Variants in CCSER1 observed in about 807,000 individuals in gnomAD.
CCSER1 encodes coiled-coil serine rich protein 1.
CCSER1 carries 41 observed loss-of-function variants against 82.0 expected under a neutral mutation model. That is an observed-to-expected ratio of 0.50 (90% confidence interval 0.39 to 0.65). The LOEUF (loss-of-function observed/expected upper bound fraction) is 0.65. Ranked by LOEUF, CCSER1 falls within the 30% of genes least tolerant of loss-of-function variation. The pLI, the probability that CCSER1 is intolerant of heterozygous loss-of-function variation, is 0.00. For synonymous variants in CCSER1, 414 were observed against 383.9 expected (o/e 1.08, Z -0.92); for missense variants, 1,119 against 1,064.2 (o/e 1.05, Z -0.72).
chr4:90,623,197 AT>A lies in CCSER1; in HGVS notation c.1725-4818del, dbSNP rs113601585. Among the ~76,000 whole-genome samples the A allele has an allele frequency of 6.5e-3, 960 of 147,382 alleles. 22 individuals carry two copies. The highest frequency in any genetic ancestry group is 0.021 in the African/African-American group (853 of 40,410). ...CACCCGCCACCACTCCCGGCTAATT[AT>A]TTTTTTTTTGTATTTTTAGTAGAGA... is the stretch of plus-strand genomic sequence containing the variant. On this transcript the variant is annotated intron_variant, in intron 5 of 10. Transcript: ENST00000509176.
intron 10 of CCSER1, among the ~76,000 whole-genome samples, chr4:91,446,162 T>G (rs1205953649): frequency 6.6e-6 from 1 of 150,706 alleles, no homozygotes; most frequent in Non-Finnish European, 1.5e-5. Context: ...TTGTTTGCTT[T>G]TTTGTTTTTG....
intron 10 of CCSER1, among the ~76,000 whole-genome samples, chr4:91,512,970 T>G (rs945360447): frequency 2.6e-5 from 4 of 152,128 alleles, no homozygotes; most frequent in African/African-American, 7.2e-5. Flanking sequence ...TTATCTTGCC[T>G]GATTTTTCTG....
At chr4:90,214,420 T>C (rs995389250) in intron 1 of CCSER1, among the ~76,000 whole-genome samples, 3 of 152,198 alleles carry the variant, frequency 2.0e-5, no homozygotes, top group Admixed American at 1.3e-4. Context: ...CTAATAGGAT[T>C]GCTGGAGAGC....
At chr4:91,228,315 C>A (rs576843042) in intron 10 of CCSER1, among the ~76,000 whole-genome samples, 12 of 152,102 alleles carry the variant, frequency 7.9e-5, no homozygotes, top group African/African-American at 9.6e-5. Context: ...GAAGCAGACA[C>A]CTGTTTCTTT....
rs188823097 is a variant in CCSER1 at position 90,568,912 on chromosome 4, C to T, written c.1725-59113C>T. On this transcript the variant is annotated intron_variant, in intron 5 of 10. Transcript: ENST00000509176. ...CCTCCAAAGTAGCTGGGATTACAGGCGCCCACCACCACGCTCGGCTAATTT... is the reference window on the plus strand; with the variant it reads ...CCTCCAAAGTAGCTGGGATTACAGGTGCCCACCACCACGCTCGGCTAATTT... 2.1e-3 allele frequency among the ~76,000 whole-genome samples: 315 copies of T among 152,008 alleles called. 1 individual carries two copies. Among genetic ancestry groups the T allele is most frequent in the African/African-American group, 7.4e-3 (305 of 41,494 alleles).
chr4:90,541,414 A>T (rs1776092316), intron 5 of CCSER1, among the ~76,000 whole-genome samples: 1 of 152,054 alleles, frequency 6.6e-6, no homozygotes, highest in Non-Finnish European at 1.5e-5. Context: ...AAATGTGGAG[A>T]GCCCCGATTT....
intron 10 of CCSER1, among the ~76,000 whole-genome samples, chr4:91,246,683 T>C (rs1021329388): frequency 1.3e-5 from 2 of 152,160 alleles, no homozygotes; most frequent in Non-Finnish European, 2.9e-5. Context: ...ATGTGGTACA[T>C]ATACAAAATG....
At position 91,013,703 on chromosome 4, in the gene CCSER1, C is replaced by T. The variant is rs561122390; in HGVS notation, c.2173-72247C>T. On this transcript the variant is annotated intron_variant, in intron 9 of 10. Transcript: ENST00000509176. ...CTGCAAGCTCCGCCTCCCGGGTTCACGCCATTCTCCTGCCTCAGGCTCCCG... is the reference window on the plus strand; with the variant it reads ...CTGCAAGCTCCGCCTCCCGGGTTCATGCCATTCTCCTGCCTCAGGCTCCCG... Among the ~76,000 whole-genome samples the T allele has an allele frequency of 3.7e-4, 47 of 126,650 alleles. 3 individuals carry two copies. Among genetic ancestry groups the T allele is most frequent in the South Asian group, 2.4e-3 (9 of 3,822 alleles). 83.1% of individuals were successfully genotyped at this position (126,650 alleles called of 152,430 possible).
chr4:91,482,853 C>T (rs1246917873), intron 10 of CCSER1, among the ~76,000 whole-genome samples: 2 of 152,004 alleles, frequency 1.3e-5, no homozygotes, highest in Non-Finnish European at 1.5e-5. Context: ...GACAAAAAAC[C>T]AAACACCGCA....
intron 10 of CCSER1, among the ~76,000 whole-genome samples, chr4:91,538,157 G>T (rs182853668): frequency 9.0e-4 from 137 of 152,084 alleles, no homozygotes; most frequent in Non-Finnish European, 1.6e-3. Context: ...TCTAATGAAA[G>T]AAATTCTTTC....
intron 6 of CCSER1, among the ~76,000 whole-genome samples, chr4:90,640,020 T>TA (rs1307659916): frequency 2.6e-5 from 4 of 151,958 alleles, no homozygotes; most frequent in Non-Finnish European, 4.4e-5. Flanking sequence ...ACTAAGAGCA[T>TA]AGTGTCTTTC....
chr4:90,886,199 G>A (rs1722095468), intron 8 of CCSER1, among the ~76,000 whole-genome samples: 1 of 152,150 alleles, frequency 6.6e-6, no homozygotes, highest in South Asian at 2.1e-4. Flanking sequence ...CTCTCCTTGA[G>A]AAAATTATGA....
At chr4:91,134,933 G>A (rs1728329338) in intron 10 of CCSER1, among the ~76,000 whole-genome samples, 1 of 151,940 alleles carries the variant, frequency 6.6e-6, no homozygotes, top group Non-Finnish European at 1.5e-5. Context: ...GGTGGCGCAT[G>A]CTTGTAGTCC....
chr4:91,120,084 G>A (rs955147180), intron 10 of CCSER1, among the ~76,000 whole-genome samples: 4 of 151,924 alleles, frequency 2.6e-5, no homozygotes, highest in Admixed American at 2.0e-4. Flanking sequence ...AGAGAGTGGG[G>A]TATGGAGATT....
At chr4:91,489,751 G>A (rs1380895593) in intron 10 of CCSER1, among the ~76,000 whole-genome samples, 1 of 151,740 alleles carries the variant, frequency 6.6e-6, no homozygotes, top group Non-Finnish European at 1.5e-5. Flanking sequence ...TCGCTCCACT[G>A]CACTCCAGCC....
intron 7 of CCSER1, among the ~76,000 whole-genome samples, chr4:90,777,175 G>T (rs1295959856): frequency 6.6e-6 from 1 of 151,780 alleles, no homozygotes; most frequent in Non-Finnish European, 1.5e-5. Context: ...CAGCCAACAT[G>T]GTGAAACCCC....
chr4:90,912,202 C>T lies in CCSER1; in HGVS notation c.2095-11168C>T, dbSNP rs1044582627. 9.9e-5 allele frequency among the ~76,000 whole-genome samples: 15 copies of T among 152,270 alleles called. 1 individual carries two copies. In the Middle Eastern group the frequency reaches 0.02, roughly 207 times the overall value. ...CCTCCCCAAGTGGATCCCTGACCTG[C>T]GAGTAGCCTAACTGGGAGGCTAATT... is the stretch of plus-strand genomic sequence containing the variant. On this transcript the variant is annotated intron_variant, in intron 8 of 10. Transcript: ENST00000509176.
At chr4:90,452,243 C>T (rs188787159) in intron 4 of CCSER1, among the ~76,000 whole-genome samples, 1 of 152,140 alleles carries the variant, frequency 6.6e-6, no homozygotes, top group African/African-American at 2.4e-5. Context: ...TAGGTTTGCA[C>T]TACTATCTGT....
Position 90,230,385 on chromosome 4 carries a change from G to A in CCSER1, c.-41-77859G>A, listed in dbSNP as rs543140311. The stretch of plus-strand genomic sequence containing the variant: ...CCTGAATGACTACTGGGTATATAAC[G>A]AAATGAAGGCAGAAATAAAGATGTT... On this transcript the variant is annotated intron_variant, in intron 1 of 10. Coordinates refer to ENST00000509176, the MANE Select transcript of CCSER1 (RefSeq NM_001145065.2). Among the ~76,000 whole-genome samples, 6 of 152,020 alleles carry A rather than the reference G, an allele frequency of 3.9e-5. No individual in the cohort carries two copies. In the South Asian group the frequency reaches 6.2e-4, roughly 16 times the overall value.
Sources: allele counts gnomAD v4.1 joint callset (sites outside exome capture counted in the v4.1 genomes callset), GRCh38; gene constraint gnomAD v4.1.1; transcripts MANE v1.5; gene names NCBI Gene and HGNC (gene_info 2026-07-23, HGNC 2026-07-21).